CDH13: variants seen among roughly 807,000 people sequenced by gnomAD.
CDH13 encodes the protein cadherin 13, also known as cadherin-13.
In CDH13, 24 loss-of-function variants were observed where a neutral mutation model predicts 63.8. The observed-to-expected ratio is 0.38, with a 90% CI of 0.27 to 0.53. The LOEUF (loss-of-function observed/expected upper bound fraction) is 0.53. Among genes scored for constraint, CDH13 ranks in the 20% least tolerant of loss-of-function variants. The probability of loss-of-function intolerance (pLI) is 0.85; values close to 1 mark genes in which losing one functional copy is unlikely to be tolerated. For missense variants in CDH13, 1,049 were observed against 903.1 expected (o/e 1.16, Z -2.07); for synonymous variants, 503 against 355.3 (o/e 1.42, Z -4.67).
chr16:82,895,292 C>T (rs542404333), intron 2 of CDH13, among the ~76,000 whole-genome samples: 1 of 152,270 alleles, frequency 6.6e-6, no homozygotes, highest in East Asian at 1.9e-4. Flanking sequence ...AGAAAAGACA[C>T]CCACACATAT....
intron 2 of CDH13, among the ~76,000 whole-genome samples, chr16:82,972,331 A>G (rs956975046): frequency 6.6e-6 from 1 of 152,200 alleles, no homozygotes; most frequent in Non-Finnish European, 1.5e-5. Flanking sequence ...GAAGCAGGGA[A>G]TGATTGAAAG....
At chr16:83,089,005 A>G (rs1179355446) in intron 3 of CDH13, among the ~76,000 whole-genome samples, 1 of 152,238 alleles carries the variant, frequency 6.6e-6, no homozygotes, top group Non-Finnish European at 1.5e-5. Context: ...CAATACAAAC[A>G]GTGTGGATTA....
At chr16:83,497,534 A>T (rs1468821640) in intron 7 of CDH13, among the ~76,000 whole-genome samples, 1 of 107,306 alleles carries the variant, frequency 9.3e-6, no homozygotes, top group South Asian at 3.8e-4. Flanking sequence ...GGGGGAAGGG[A>T]TAGCATTGGG....
intron 3 of CDH13, among the ~76,000 whole-genome samples, chr16:83,036,325 T>C (rs1916853638): frequency 6.6e-6 from 1 of 151,924 alleles, no homozygotes; most frequent in African/African-American, 2.4e-5. Context: ...ACTTTTTGTA[T>C]CTTTAGTAGA....
intron 5 of CDH13, among the ~76,000 whole-genome samples, chr16:83,230,854 A>T (rs1040982816): frequency 6.6e-6 from 1 of 152,246 alleles, no homozygotes; most frequent in Non-Finnish European, 1.5e-5. Context: ...TGTGGATGAC[A>T]TAATTTTGGG....
chr16:83,372,302 G>C (rs763769736), intron 6 of CDH13, among the ~76,000 whole-genome samples: 4 of 152,172 alleles, frequency 2.6e-5, no homozygotes, highest in Non-Finnish European at 4.4e-5. Flanking sequence ...TGATTTCAAA[G>C]TTGTCTCTCT....
intron 5 of CDH13, among the ~76,000 whole-genome samples, chr16:83,226,528 C>G (rs139730847): frequency 2.8e-4 from 42 of 152,312 alleles, no homozygotes; most frequent in African/African-American, 9.9e-4. Context: ...GTACTTAGCA[C>G]ACATCCATGG....
chr16:83,120,953 G>C (rs1464084678), intron 3 of CDH13, among the ~76,000 whole-genome samples: 1 of 151,772 alleles, frequency 6.6e-6, no homozygotes, highest in Non-Finnish European at 1.5e-5. Context: ...TGGTAGAGAC[G>C]GGGTTTCACC....
chr16:83,128,247 C>G (rs758984591), intron 4 of CDH13, among the ~76,000 whole-genome samples: 4 of 152,154 alleles, frequency 2.6e-5, no homozygotes, highest in East Asian at 3.9e-4. Context: ...GATATGCAGC[C>G]GAGGTGGAGG....
At chr16:83,152,138 T>A (rs1190636828) in intron 4 of CDH13, among the ~76,000 whole-genome samples, 1 of 152,198 alleles carries the variant, frequency 6.6e-6, no homozygotes, top group African/African-American at 2.4e-5. Flanking sequence ...CCATTTGTGA[T>A]TAAACTGCTG....
At chr16:83,109,884 AC>A (rs2034974762) in intron 3 of CDH13, among the ~76,000 whole-genome samples, 1 of 152,210 alleles carries the variant, frequency 6.6e-6, no homozygotes, top group Non-Finnish European at 1.5e-5. Context: ...AACATTTTTC[AC>A]CTCCAGTAAA....
intron 6 of CDH13, among the ~76,000 whole-genome samples, chr16:83,482,361 G>T (rs1349049173): frequency 1.3e-5 from 2 of 152,180 alleles, no homozygotes; most frequent in African/African-American, 4.8e-5. Flanking sequence ...AAATAAAGAG[G>T]TTCCATCAAC....
intron 8 of CDH13, among the ~76,000 whole-genome samples, chr16:83,647,073 G>A (rs1410131270): frequency 6.6e-6 from 1 of 152,102 alleles, no homozygotes; most frequent in Non-Finnish European, 1.5e-5. Context: ...CACTTTGGGA[G>A]GCCGAGGAGG....
At chr16:83,150,034 C>T (rs1026726292) in intron 4 of CDH13, among the ~76,000 whole-genome samples, 1 of 152,156 alleles carries the variant, frequency 6.6e-6, no homozygotes, top group African/African-American at 2.4e-5. Context: ...AAACCTCTTC[C>T]ACATTCACCT....
At chr16:82,842,147 T>TAC (rs1235114442) in intron 1 of CDH13, among the ~76,000 whole-genome samples, 396 of 21,342 alleles carry the variant, frequency 0.019, 20 homozygotes, top group Non-Finnish European at 0.024. Context: ...TACACATATA[T>TAC]ATATATATAT....
At chr16:82,655,278 G>A (rs574756182) in intron 1 of CDH13, among the ~76,000 whole-genome samples, 5 of 152,280 alleles carry the variant, frequency 3.3e-5, no homozygotes, top group Admixed American at 6.5e-5. Context: ...TCAATGAGCC[G>A]GTCAATCAAG....
At chr16:83,766,017 C>T (rs577096150) in intron 11 of CDH13, among the ~76,000 whole-genome samples, 4 of 152,314 alleles carry the variant, frequency 2.6e-5, no homozygotes, top group African/African-American at 9.6e-5. Flanking sequence ...CTCAAGATTG[C>T]TCATTAGCTC....
intron 7 of CDH13, among the ~76,000 whole-genome samples, chr16:83,580,747 C>T (rs1159063443): frequency 6.6e-6 from 1 of 152,088 alleles, no homozygotes; most frequent in Non-Finnish European, 1.5e-5. Flanking sequence ...TTCTGCCCGC[C>T]TCCCAAAGTG....
At chr16:83,246,119 G>C (rs1293904477) in intron 5 of CDH13, among the ~76,000 whole-genome samples, 1 of 152,128 alleles carries the variant, frequency 6.6e-6, no homozygotes, top group East Asian at 1.9e-4. Flanking sequence ...TCAAGATTTA[G>C]AATAGGGTTT....
Sources: gnomAD v4.1 joint callset for allele counts (sites outside exome capture counted in the v4.1 genomes callset) on GRCh38, gnomAD v4.1.1 for gene constraint, MANE v1.5 for transcripts, NCBI Gene and HGNC (gene_info 2026-07-23, HGNC 2026-07-21) for gene names.